ZRANB1: variants seen among roughly 807,000 people sequenced by gnomAD.
ZRANB1 encodes zinc finger RANBP2-type containing 1.
Under a neutral mutation model 80.5 loss-of-function variants are expected in ZRANB1, and 16 were observed. The observed-to-expected ratio is 0.20, with a 90% CI of 0.13 to 0.30. ZRANB1 has a LOEUF of 0.30. ZRANB1 is among the 10% of genes least tolerant of loss of function. The pLI, the probability that ZRANB1 is intolerant of heterozygous loss-of-function variation, is 1.00. For synonymous variants in ZRANB1, 291 were observed against 293.1 expected (o/e 0.99, Z 0.07); for missense variants, 576 against 862.6 (o/e 0.67, Z 4.16).
At chr10:124,954,119 C>G (rs906451072) in intron 1 of ZRANB1, among the ~76,000 whole-genome samples, 3 of 150,266 alleles carry the variant, frequency 2.0e-5, no homozygotes, top group African/African-American at 7.4e-5. Flanking sequence ...AATAGTGCAC[C>G]ACCATCCCCA....
intron 5 of ZRANB1, among the ~76,000 whole-genome samples, chr10:124,977,715 A>G (rs1436264317): frequency 7.1e-6 from 1 of 141,462 alleles, no homozygotes; most frequent in Admixed American, 7.1e-5. Context: ...TGCTAAGAAA[A>G]AAAAAAAAAA....
the ZRANB1 span, among the ~76,000 whole-genome samples, chr10:124,921,503 A>G: frequency 1.2e-4 from 19 of 152,246 alleles, no homozygotes; most frequent in Admixed American, 3.9e-4. Flanking sequence ...CTTGTATTGG[A>G]TGAGTAGGAG....
In ZRANB1 at chr10:124,951,684, C is replaced by T. The variant is rs114663882; in HGVS notation, c.814+8377C>T. On this transcript the variant is annotated intron_variant, in intron 1 of 8. Coordinates refer to ENST00000359653, the MANE Select transcript of ZRANB1 (RefSeq NM_017580.3). ...TTAAAAACACACCATCTGCTGGTCG[C>T]GGTGGCTCATGCCTGTAATCCCAGC... Among the ~76,000 whole-genome samples, 891 of 152,222 alleles carry T rather than the reference C, an allele frequency of 5.9e-3. 7 individuals carry two copies. Among genetic ancestry groups the T allele is most frequent in the African/African-American group, 0.018 (738 of 41,540 alleles).
chr10:124,942,147 A>T lies in ZRANB1; in HGVS notation c.-347A>T. On this transcript the variant is annotated 5_prime_UTR_variant, in exon 1 of 9. Coordinates refer to ENST00000359653, the MANE Select transcript of ZRANB1 (RefSeq NM_017580.3). The stretch of plus-strand genomic sequence containing the variant: ...TGTGATGGCCTCCCTGAAATTAAAC[A>T]TTTCTATTAGTGGCTTCCCGTTAAT... The T allele has an allele frequency of 9.4e-7, 1 of 1,065,304 alleles. No homozygotes were observed. The highest frequency in any genetic ancestry group is 1.1e-6 in the Non-Finnish European group (1 of 880,060). 66.0% of individuals were successfully genotyped at this position (1,065,304 alleles called of 1,614,324 possible).
the ZRANB1 span, among the ~76,000 whole-genome samples, chr10:124,921,653 A>G: frequency 2.0e-5 from 3 of 152,162 alleles, no homozygotes; most frequent in Admixed American, 6.5e-5. Flanking sequence ...AAAGTATATA[A>G]AAAGTATTTT....
Position 124,983,740 on chromosome 10 carries a change from C to G in ZRANB1, c.1908+52C>G. 4 of 1,400,870 alleles carry G rather than the reference C, an allele frequency of 2.9e-6. No homozygotes were observed. Among genetic ancestry groups the G allele is most frequent in the Non-Finnish European group, 2.9e-6 (3 of 1,021,826 alleles). The allele number at this position is 1,400,870 out of a possible 1,614,324, so 86.8% of individuals were successfully genotyped here. A position where few individuals can be genotyped will look rare whatever the true frequency, so the allele number is the denominator to read the frequency against. ...TCTAGTAGTGACCTTGTACCAGAAACAGCCTGAAGTGCCTTTCAGGTGTGG... is the reference window on the plus strand; with the variant it reads ...TCTAGTAGTGACCTTGTACCAGAAAGAGCCTGAAGTGCCTTTCAGGTGTGG... On this transcript the variant is annotated intron_variant, in intron 8 of 8. Coordinates refer to ENST00000359653, the MANE Select transcript of ZRANB1 (RefSeq NM_017580.3). The surrounding 1 kb of genome is among the most constrained non-coding windows in gnomAD (Gnocchi z 6.2).
rs1402253003 is a variant in ZRANB1 at position 124,960,073 on chromosome 10, A to T, written c.815-6521A>T. On this transcript the variant is annotated intron_variant, in intron 1 of 8. Coordinates refer to ENST00000359653, the MANE Select transcript of ZRANB1 (RefSeq NM_017580.3). ...GCTAACAGTATCATTTTTCCTGGAC[A>T]TAGGAGAGGGAAAGTTTAGGTTTTT... Among the ~76,000 whole-genome samples, 4 of 152,274 alleles carry T rather than the reference A, an allele frequency of 2.6e-5. No individual in the cohort carries two copies. The South Asian group carries it at 8.3e-4, about 32-fold the overall frequency.
chr10:124,930,860 T>C, the ZRANB1 span, among the ~76,000 whole-genome samples: 1 of 151,866 alleles, frequency 6.6e-6, no homozygotes. Context: ...TGAGACCTTG[T>C]CTCTAATAAA....
chr10:124,920,676 T>C, the ZRANB1 span, among the ~76,000 whole-genome samples: 758 of 152,154 alleles, frequency 5.0e-3, 3 homozygotes, highest in African/African-American at 0.015. Context: ...AGAGAGGTCC[T>C]GTCTCTAGAG....
chr10:124,965,785 C>G (rs6597865), intron 1 of ZRANB1, among the ~76,000 whole-genome samples: 4,036 of 152,164 alleles, frequency 0.027, 159 homozygotes, highest in African/African-American at 0.091. Context: ...CAGGCTGATA[C>G]CCATACTTTA....
At chr10:124,939,341 T>C (rs570909677), upstream of ZRANB1, among the ~76,000 whole-genome samples, 1 of 152,270 alleles carries the variant, frequency 6.6e-6, no homozygotes, top group Non-Finnish European at 1.5e-5. Flanking sequence ...TTATCTAATA[T>C]AAGGCACATC....
intron 2 of ZRANB1, among the ~76,000 whole-genome samples, chr10:124,970,422 G>C (rs1589851669): frequency 6.6e-6 from 1 of 151,914 alleles, no homozygotes. Flanking sequence ...CTAATGCCTA[G>C]CTAATATTTT....
At chr10:124,970,833 GTTTTTTTTT>G (rs34391929) in intron 2 of ZRANB1, among the ~76,000 whole-genome samples, 1 of 85,380 alleles carries the variant, frequency 1.2e-5, no homozygotes, top group East Asian at 4.0e-4. Flanking sequence ...TCTCTTTGGG[GTTTTTTTTT>G]TTTTTTTTTT....
intron 5 of ZRANB1, among the ~76,000 whole-genome samples, chr10:124,980,349 T>G (rs1430223554): frequency 6.6e-6 from 1 of 152,224 alleles, no homozygotes; most frequent in Non-Finnish European, 1.5e-5. Flanking sequence ...TCATTGAACC[T>G]CCCTTCTTCA....
At chr10:124,929,218 A>G in the ZRANB1 span, among the ~76,000 whole-genome samples, 1 of 152,134 alleles carries the variant, frequency 6.6e-6, no homozygotes, top group African/African-American at 2.4e-5. Flanking sequence ...AATCTTGGAC[A>G]ATGTGTTTAT....
the ZRANB1 span, among the ~76,000 whole-genome samples, chr10:124,933,783 C>T: frequency 1.4e-4 from 21 of 152,204 alleles, no homozygotes; most frequent in Non-Finnish European, 2.8e-4. Context: ...AAGATAGGTT[C>T]TGCTGAAGCT....
At chr10:124,949,420 T>TATGTATATATATATGTTTACACAC (rs1370457429) in intron 1 of ZRANB1, among the ~76,000 whole-genome samples, 2 of 145,744 alleles carry the variant, frequency 1.4e-5, no homozygotes, top group African/African-American at 5.0e-5. Flanking sequence ...TACACATATA[T>TATGTATATATATATGTTTACACAC]ATGTATATAT....
At chr10:124,939,172 TCAA>T (rs1422138550), upstream of ZRANB1, among the ~76,000 whole-genome samples, 2 of 150,880 alleles carry the variant, frequency 1.3e-5, no homozygotes, top group Non-Finnish European at 2.9e-5. Context: ...TGAGACTGTC[TCAA>T]CAACAACAAA....
intron 1 of ZRANB1, 90 bp from the exon 2 acceptor site, chr10:124,966,504 C>A: frequency 1.6e-6 from 2 of 1,285,642 alleles, no homozygotes; most frequent in Non-Finnish European, 2.2e-6. Context: ...CACAGAGAAA[C>A]ACTTAAAAGA....
Sources: gnomAD v4.1 joint callset for allele counts (sites outside exome capture counted in the v4.1 genomes callset) on GRCh38, gnomAD v4.1.1 for gene constraint, Gnocchi (gnomAD v3.1) non-coding constraint, MANE v1.5 for transcripts, NCBI Gene and HGNC (gene_info 2026-07-23, HGNC 2026-07-21) for gene names.